INSR: variants seen among roughly 807,000 people sequenced by gnomAD.
INSR encodes the protein IR.
Under a neutral mutation model 142.6 loss-of-function variants are expected in INSR, and 67 were observed. The ratio of observed to expected loss-of-function variants is 0.47; its 90% CI spans 0.39 to 0.58. The LOEUF (loss-of-function observed/expected upper bound fraction) is 0.58. Ranked by LOEUF, INSR falls within the 20% of genes least tolerant of loss-of-function variation. The pLI, the probability that INSR is intolerant of heterozygous loss-of-function variation, is 0.00. For missense variants in INSR, 1,248 were observed against 1,833.2 expected (o/e 0.68, Z 5.83); for synonymous variants, 756 against 743.1 (o/e 1.02, Z -0.28).
At chr19:7,135,304 CTTTTTTTTTT>C (rs34080394) in intron 13 of INSR, among the ~76,000 whole-genome samples, 25 of 60,054 alleles carry the variant, frequency 4.2e-4, no homozygotes, top group East Asian at 3.8e-3. Context: ...AATGCATCTT[CTTTTTTTTTT>C]TTTTTTTTTT....
At chr19:7,191,065 GGC>G (rs1974570769) in intron 2 of INSR, among the ~76,000 whole-genome samples, 1 of 151,950 alleles carries the variant, frequency 6.6e-6, no homozygotes, top group Non-Finnish European at 1.5e-5. Flanking sequence ...GGGAGGCCGT[GGC>G]AGGTGGATCA....
At chr19:7,132,490 G>A (rs1331951950) in intron 13 of INSR, among the ~76,000 whole-genome samples, 173 bp from the exon 14 acceptor site, 1 of 152,152 alleles carries the variant, frequency 6.6e-6, no homozygotes, top group Non-Finnish European at 1.5e-5. Context: ...TATAACCATA[G>A]TGCTATGGAT....
intron 3 of INSR, 138 bp from the exon 4 acceptor site, chr19:7,174,869 G>A (rs576112966): frequency 2.5e-4 from 223 of 898,092 alleles, no homozygotes; most frequent in Non-Finnish European, 3.4e-4. Flanking sequence ...GTGTGACAGA[G>A]TCTCGCTCTG....
intron 8 of INSR, among the ~76,000 whole-genome samples, chr19:7,164,369 G>C (rs1973839506): frequency 6.6e-6 from 1 of 151,872 alleles, no homozygotes; most frequent in Non-Finnish European, 1.5e-5. Flanking sequence ...ACTGCTATAA[G>C]AGAAGCACTT....
intron 7 of INSR, 81 bp downstream of exon 7, chr19:7,167,887 G>A (rs1973923516): frequency 6.4e-7 from 1 of 1,566,828 alleles, no homozygotes; most frequent in African/African-American, 1.4e-5. Context: ...ACCCAAGAGG[G>A]GCAGATTGGA....
intron 1 of INSR, among the ~76,000 whole-genome samples, chr19:7,289,756 A>T (rs540144916): frequency 2.9e-4 from 44 of 152,218 alleles, no homozygotes; most frequent in African/African-American, 9.6e-4. Context: ...AGATGGGTAA[A>T]TGTCTCAGAC....
chr19:7,133,238 G>A (rs1254097956), intron 13 of INSR, among the ~76,000 whole-genome samples: 2 of 152,158 alleles, frequency 1.3e-5, no homozygotes, highest in East Asian at 3.9e-4. Context: ...CTCCAGCCTG[G>A]GTGACAGAGC....
At chr19:7,260,557 C>G (rs1311650756) in intron 2 of INSR, among the ~76,000 whole-genome samples, 1 of 152,176 alleles carries the variant, frequency 6.6e-6, no homozygotes, top group East Asian at 1.9e-4. Context: ...TCGCAAGATA[C>G]ATGTTCCTCT....
chr19:7,119,484 C>T lies in INSR; in HGVS notation c.3759G>A (p.Gly1253=), dbSNP rs1411783502. Residue 1253 remains glycine (G), a synonymous_variant, in exon 21 of 22, where the codon GGG becomes GGA. Coordinates refer to ENST00000302850, the MANE Select transcript of INSR (RefSeq NM_000208.4). The surrounding 1 kb of genome is among the most constrained non-coding windows in gnomAD (Gnocchi z 5.2). ...EQVLKFVMDG[G]YLDQPDNCPE... ...GACAGTTGTCGGGTTGATCCAGATA[C>T]CCTCCATCCATGACAAATTTCAACA... The T allele has an allele frequency of 1.2e-6, 2 of 1,614,056 alleles. No homozygotes were observed. The highest frequency in any genetic ancestry group is 1.1e-5 in the South Asian group (1 of 91,080).
intron 2 of INSR, among the ~76,000 whole-genome samples, chr19:7,266,137 C>T (rs1223883032): frequency 2.0e-5 from 3 of 152,162 alleles, no homozygotes; most frequent in African/African-American, 7.2e-5. Context: ...TCAGCTCCTC[C>T]CTCCCGCAGT....
intron 2 of INSR, among the ~76,000 whole-genome samples, chr19:7,221,006 C>T (rs1470704047): frequency 6.6e-6 from 1 of 152,106 alleles, no homozygotes; most frequent in African/African-American, 2.4e-5. Context: ...GAGACCTGAG[C>T]TGACACTCTC....
intron 21 of INSR, among the ~76,000 whole-genome samples, chr19:7,118,480 G>T: frequency 6.6e-6 from 1 of 151,742 alleles, no homozygotes; most frequent in Non-Finnish European, 1.5e-5. Context: ...ACCGCGCCTG[G>T]GTAATTTTTA....
chr19:7,273,423 A>T (rs969081060), intron 1 of INSR, among the ~76,000 whole-genome samples: 2 of 152,112 alleles, frequency 1.3e-5, no homozygotes, highest in Non-Finnish European at 2.9e-5. Flanking sequence ...AGTTCTTCAT[A>T]ATGGGTACCT....
chr19:7,181,942 A>G (rs1332702629), intron 3 of INSR, among the ~76,000 whole-genome samples: 1 of 152,146 alleles, frequency 6.6e-6, no homozygotes, highest in East Asian at 1.9e-4. Flanking sequence ...TCCTTCCCAG[A>G]TAAGCCACCA....
rs921823112 is a variant in INSR, at chr19:7,294,215, G to A, written c.-324C>T. On this transcript the variant is annotated 5_prime_UTR_variant, in exon 1 of 22. Transcript: ENST00000302850. ...CGCCCGGGACTGTCTCTCGGCTCTC[G>A]GCCCCGCGCGCTCTGGGTCGCGATC... Among the ~76,000 whole-genome samples, 2 of 151,184 alleles carry A rather than the reference G, an allele frequency of 1.3e-5. No homozygotes were observed. The highest frequency in any genetic ancestry group is 3.0e-5 in the Non-Finnish European group (2 of 67,644).
intron 9 of INSR, among the ~76,000 whole-genome samples, chr19:7,161,248 T>A (rs1049845988): frequency 1.6e-4 from 24 of 150,780 alleles, no homozygotes; most frequent in Admixed American, 2.0e-4. Flanking sequence ...CTTTTTTTTT[T>A]AATTTTGTAT....
chr19:7,177,062 A>G (rs1974150691), intron 3 of INSR, among the ~76,000 whole-genome samples: 1 of 152,170 alleles, frequency 6.6e-6, no homozygotes, highest in Admixed American at 6.6e-5. Flanking sequence ...GCCTGATGCC[A>G]TCAAACTCAC....
chr19:7,191,380 A>G (rs1974585302), intron 2 of INSR, among the ~76,000 whole-genome samples: 1 of 149,552 alleles, frequency 6.7e-6, no homozygotes, highest in Admixed American at 6.7e-5. Context: ...GGGAAAGAAA[A>G]GAAAGAAAAG....
At chr19:7,202,646 A>G (rs1488064932) in intron 2 of INSR, among the ~76,000 whole-genome samples, 2 of 150,504 alleles carry the variant, frequency 1.3e-5, no homozygotes, top group African/African-American at 4.9e-5. Context: ...ATTACAGGGT[A>G]TGCGCCACCA....
Sources: gnomAD v4.1 joint callset for allele counts (sites outside exome capture counted in the v4.1 genomes callset) on GRCh38, gnomAD v4.1.1 for gene constraint, Gnocchi (gnomAD v3.1) non-coding constraint, MANE v1.5 for transcripts, NCBI Gene and HGNC (gene_info 2026-07-23, HGNC 2026-07-21) for gene names.